Variants in ZNF33A observed in about 807,000 individuals in gnomAD.
ZNF33A encodes brain my041 protein.
ZNF33A carries 9 observed loss-of-function variants against 15.9 expected under a neutral mutation model. That is an observed-to-expected ratio of 0.57 (90% confidence interval 0.34 to 0.99). ZNF33A has a LOEUF of 0.99. Ranked by LOEUF, ZNF33A falls within the 50% of genes least tolerant of loss-of-function variation. The probability of loss-of-function intolerance (pLI) is 0.02; values close to 1 mark genes in which losing one functional copy is unlikely to be tolerated. For synonymous variants in ZNF33A, 294 were observed against 324.2 expected, an observed-to-expected ratio of 0.91 and a Z score of 1.00; for missense variants, 843 against 941.6, an observed-to-expected ratio of 0.90 and a Z score of 1.37.
At chr10:38,014,141 A>C (rs1424952614) in intron 2 of ZNF33A, among the ~76,000 whole-genome samples, 1 of 134,370 alleles carries the variant, frequency 7.4e-6, no homozygotes, top group Non-Finnish European at 1.5e-5. Flanking sequence ...TTCAGGGCCC[A>C]AGGGATTCTC....
At chr10:38,026,061 A>G (rs2064972902) in intron 4 of ZNF33A, among the ~76,000 whole-genome samples, 2 of 152,152 alleles carry the variant, frequency 1.3e-5, no homozygotes, top group Non-Finnish European at 2.9e-5. Context: ...TTCACTTAGC[A>G]TGATGCTTTC....
At position 38,059,257 on chromosome 10, in the gene ZNF33A, T is replaced by G. The variant is rs1334784991; in HGVS notation, c.*2697T>G. ...ACAAAAAACCCTACAGCTAACATTA[T>G]CCTTGATGTTTCCAACTAGACACTT... On this transcript the variant is annotated 3_prime_UTR_variant, in exon 5 of 5. Coordinates refer to ENST00000432900, the MANE Select transcript of ZNF33A (RefSeq NM_006954.2). 1 of 149,876 alleles carries G rather than the reference T, an allele frequency of 6.7e-6. No individual in the cohort carries two copies. Among genetic ancestry groups the G allele is most frequent in the African/African-American group, 2.6e-5 (1 of 39,202 alleles). 9.3% of individuals were successfully genotyped at this position (149,876 alleles called of 1,614,324 possible).
chr10:38,017,480 G>C (rs1161030914), intron 4 of ZNF33A, 94 bp downstream of exon 4: 3 of 934,298 alleles, frequency 3.2e-6, no homozygotes, highest in Non-Finnish European at 5.1e-6. Context: ...GATTTTTCAA[G>C]AACATCTCCA....
chr10:38,033,207 T>C, intron 4 of ZNF33A, among the ~76,000 whole-genome samples: 1 of 152,204 alleles, frequency 6.6e-6, no homozygotes. Flanking sequence ...AATGGAACTG[T>C]GTGTGACCTT....
chr10:38,042,607 G>A (rs568230946), intron 4 of ZNF33A, among the ~76,000 whole-genome samples: 19 of 150,554 alleles, frequency 1.3e-4, no homozygotes, highest in East Asian at 5.9e-4. Flanking sequence ...CTGGAGTGCC[G>A]TGGTAGGATC....
At chr10:38,036,316 A>C (rs1590602652) in intron 4 of ZNF33A, among the ~76,000 whole-genome samples, 2 of 152,260 alleles carry the variant, frequency 1.3e-5, no homozygotes, top group South Asian at 2.1e-4. Context: ...ATGCGCCTGT[A>C]ATCCCAGCTC....
chr10:38,057,272 C>A lies in ZNF33A; in HGVS notation c.*712C>A. On this transcript the variant is annotated 3_prime_UTR_variant, in exon 5 of 5. Transcript: ENST00000432900. ...CAAAGGATTTAGCCTCAAGTAGTTC[C>A]CTTTTTGTATTAATAACCACACGCT... 2 of 985,044 alleles carry A rather than the reference C, an allele frequency of 2.0e-6. No individual in the cohort carries two copies. The highest frequency in any genetic ancestry group is 2.4e-6 in the Non-Finnish European group (2 of 829,584). The allele number at this position is 985,044 out of a possible 1,614,324, so 61.0% of individuals were successfully genotyped here.
chr10:38,066,973 A>G (rs537509621), downstream of ZNF33A, among the ~76,000 whole-genome samples: 6 of 152,288 alleles, frequency 3.9e-5, no homozygotes, highest in African/African-American at 1.4e-4. Context: ...ATGTGATGAG[A>G]AACGGGACTT....
At position 38,055,337 on chromosome 10, in the gene ZNF33A, A is replaced by T. The variant is rs2066418691; in HGVS notation, c.1213A>T (p.Arg405Ter). The change falls in exon 5 of 5, where the codon AGA becomes TGA. Residue 405 changes from arginine (R) to a stop codon, truncating the protein, a stop_gained. Transcript: ENST00000432900. LOFTEE classifies it low-confidence loss of function (END_TRUNC). ...SHKSALTLHQ[R>*]THTGEKPYQC... ...TAAGTCAGCCCTCACATTACACCAG[A>T]GAACACATACAGGGGAGAAACCCTA... The T allele has an allele frequency of 5.6e-6, 9 of 1,614,156 alleles. No homozygotes were observed. The East Asian group carries it at 2.0e-4, about 36-fold the overall frequency.
chr10:38,011,032 G>A (rs2064153792), intron 1 of ZNF33A, among the ~76,000 whole-genome samples: 1 of 152,116 alleles, frequency 6.6e-6, no homozygotes, highest in African/African-American at 2.4e-5. Flanking sequence ...GGGCATGTGC[G>A]CTTGCGCAGT....
downstream of ZNF33A, chr10:38,064,115 T>A: frequency 6.3e-7 from 1 of 1,597,018 alleles, no homozygotes; most frequent in Non-Finnish European, 8.5e-7. Context: ...GCCCTTGGAT[T>A]AAACCCCTGC....
chr10:38,030,224 G>A (rs117443683), intron 4 of ZNF33A, among the ~76,000 whole-genome samples: 41 of 152,282 alleles, frequency 2.7e-4, no homozygotes, highest in Admixed American at 4.6e-4. Context: ...AACAAACTTA[G>A]CATGTCAATC....
At chr10:38,054,351 A>G (rs1223249154) in intron 4 of ZNF33A, 24 bp from the exon 5 acceptor site, 1 of 1,503,972 alleles carries the variant, frequency 6.6e-7, no homozygotes, top group East Asian at 2.3e-5. Context: ...TTTATGTGGT[A>G]AGATTAATTT....
At chr10:38,010,554 C>T, upstream of ZNF33A, 1 of 780,670 alleles carries the variant, frequency 1.3e-6, no homozygotes, top group Non-Finnish European at 2.2e-6. Flanking sequence ...GGGCACTTCT[C>T]TACCAATCCG....
intron 4 of ZNF33A, among the ~76,000 whole-genome samples, chr10:38,024,163 C>CAAAAAAAAAAAAAAAAAAAAAAA (rs71007682): frequency 1.1e-5 from 1 of 93,216 alleles, no homozygotes; most frequent in Non-Finnish European, 2.1e-5. Context: ...AAAAACAAAA[C>CAAAAAAAAAAAAAAAAAAAAAAA]AAAAAAAAAA....
At chr10:38,062,154 C>T (rs2066661989), downstream of ZNF33A, among the ~76,000 whole-genome samples, 1 of 152,092 alleles carries the variant, frequency 6.6e-6, no homozygotes, top group African/African-American at 2.4e-5. Flanking sequence ...GGCCCAGTGT[C>T]ACTCCCCTCA....
At chr10:38,025,938 C>T (rs572051803) in intron 4 of ZNF33A, among the ~76,000 whole-genome samples, 1 of 152,202 alleles carries the variant, frequency 6.6e-6, no homozygotes, top group Non-Finnish European at 1.5e-5. Context: ...CTCATTCCCC[C>T]CTCCTGCCAG....
At chr10:38,040,190 T>C (rs2065632951) in intron 4 of ZNF33A, among the ~76,000 whole-genome samples, 2 of 152,122 alleles carry the variant, frequency 1.3e-5, no homozygotes. Flanking sequence ...TACTGATTTG[T>C]AATTTCGACT....
At chr10:38,033,070 T>A (rs1399963017) in intron 4 of ZNF33A, among the ~76,000 whole-genome samples, 1 of 152,050 alleles carries the variant, frequency 6.6e-6, no homozygotes, top group Non-Finnish European at 1.5e-5. Context: ...TAGAACGTTG[T>A]CATCATCCCT....
Sources: gnomAD v4.1 joint callset for allele counts (sites outside exome capture counted in the v4.1 genomes callset) on GRCh38, gnomAD v4.1.1 for gene constraint, MANE v1.5 for transcripts, NCBI Gene and HGNC (gene_info 2026-07-23, HGNC 2026-07-21) for gene names.